Variants in PIK3R5 observed in about 807,000 individuals in gnomAD.
The protein encoded by PIK3R5 is phosphoinositide-3-kinase regulatory subunit 5, also known as phosphoinositide 3-kinase regulatory subunit 5.
In PIK3R5, 32 loss-of-function variants were observed where a neutral mutation model predicts 94.9. The ratio of observed to expected loss-of-function variants is 0.34; its 90% CI spans 0.25 to 0.45. The LOEUF is 0.45. Ranked by LOEUF, PIK3R5 falls within the 20% of genes least tolerant of loss-of-function variation. The pLI, the probability that PIK3R5 is intolerant of heterozygous loss-of-function variation, is 1.00. For missense variants in PIK3R5, 853 were observed against 1,144.6 expected, an observed-to-expected ratio of 0.75 and a Z score of 3.68; for synonymous variants, 443 against 479.4, an observed-to-expected ratio of 0.92 and a Z score of 0.99.
At chr17:8,946,259 A>G (rs1324371613) in intron 1 of PIK3R5, among the ~76,000 whole-genome samples, 3 of 151,996 alleles carry the variant, frequency 2.0e-5, no homozygotes, top group Non-Finnish European at 2.9e-5. Flanking sequence ...CCGCTTACCG[A>G]GATCAGGTCA....
At position 8,887,210 on chromosome 17, in the gene PIK3R5, G is replaced by A. The variant is rs62638685; in HGVS notation, c.1791C>T (p.Thr597=). The A allele has an allele frequency of 2.3e-4, 374 of 1,613,902 alleles. No homozygotes were observed. In the African/African-American group the frequency reaches 4.5e-3, roughly 19 times the overall value. ...PRHASPGELG[T]TPWEESTNDI... ...CATTGGTGCTCTCCTCCCATGGGGT[G>A]GTGCCCAGCTCCTAGGGCAAAGAAC... Residue 597 remains threonine (T), a synonymous_variant, in exon 12 of 19, where the codon ACC becomes ACT. Coordinates refer to ENST00000447110, the MANE Select transcript of PIK3R5 (RefSeq NM_001142633.3).
chr17:8,958,870 G>A (rs2151482285), intron 1 of PIK3R5, among the ~76,000 whole-genome samples: 1 of 151,036 alleles, frequency 6.6e-6, no homozygotes, highest in East Asian at 1.9e-4. Flanking sequence ...CGATTCTCTT[G>A]CCTCAGCCTC....
At chr17:8,931,563 G>T (rs1285877163) in intron 1 of PIK3R5, among the ~76,000 whole-genome samples, 1 of 152,188 alleles carries the variant, frequency 6.6e-6, no homozygotes, top group Non-Finnish European at 1.5e-5. Context: ...AGTACAGGGG[G>T]CTTTCCGAGT....
intron 1 of PIK3R5, among the ~76,000 whole-genome samples, chr17:8,953,093 G>T (rs937157293): frequency 1.3e-5 from 2 of 152,162 alleles, no homozygotes; most frequent in African/African-American, 4.8e-5. Flanking sequence ...GAGAATGAGG[G>T]AATGGGAAGT....
chr17:8,915,185 G>T (rs996456668), intron 1 of PIK3R5, among the ~76,000 whole-genome samples: 3 of 152,190 alleles, frequency 2.0e-5, no homozygotes, highest in African/African-American at 7.2e-5. Flanking sequence ...CAATTTGGGA[G>T]GCTGAGGCGG....
In PIK3R5 at chr17:8,881,642, C is replaced by T. The variant is rs1259908823; in HGVS notation, c.2370G>A (p.Lys790=). The part of the protein sequence containing the change: ...VVKRQNSKSK[K]GFNQISTSQI... ...GGGAAGCCCGTACCTGGTTAAAGCC[C>T]TTCTTGGATTTGGAGTTCTGCCTTT... The change falls in exon 17 of 19, where the codon AAG becomes AAA. Residue 790 remains lysine (K), a synonymous_variant. Transcript: ENST00000447110. The surrounding 1 kb of genome is among the most constrained non-coding windows in gnomAD (Gnocchi z 4.8). 1 of 1,612,914 alleles carries T rather than the reference C, an allele frequency of 6.2e-7. No homozygotes were observed. Among genetic ancestry groups the T allele is most frequent in the Non-Finnish European group, 8.5e-7 (1 of 1,179,340 alleles).
chr17:8,909,230 G>T lies in PIK3R5; in HGVS notation c.104-56C>A. 2 of 1,054,238 alleles carry T rather than the reference G, an allele frequency of 1.9e-6. No homozygotes were observed. Among genetic ancestry groups the T allele is most frequent in the Non-Finnish European group, 2.9e-6 (2 of 698,236 alleles). 65.3% of individuals were successfully genotyped at this position (1,054,238 alleles called of 1,614,324 possible). A position where few individuals can be genotyped will look rare whatever the true frequency, so the allele number is the denominator to read the frequency against. On this transcript the variant is annotated intron_variant, in intron 2 of 18. Coordinates refer to ENST00000447110, the MANE Select transcript of PIK3R5 (RefSeq NM_001142633.3). This position sits in a 1 kb window ranked among gnomAD's most constrained non-coding sequence, Gnocchi z 4.3. ...TTCTGGTGTCTTCCAGTCACACTCA[G>T]GCAGGGGCTGTAAAGAAGGGGCATT...
intron 1 of PIK3R5, among the ~76,000 whole-genome samples, chr17:8,949,484 T>C (rs923685847): frequency 2.6e-5 from 4 of 152,166 alleles, no homozygotes; most frequent in African/African-American, 9.7e-5. Context: ...CCGATTATCT[T>C]TGAAGAATCA....
chr17:8,957,448 G>A (rs191105437), intron 1 of PIK3R5, among the ~76,000 whole-genome samples: 1 of 152,214 alleles, frequency 6.6e-6, no homozygotes, highest in South Asian at 2.1e-4. Context: ...AACATCTGAA[G>A]ACAGATACTA....
At chr17:8,944,473 C>G (rs1300572092) in intron 1 of PIK3R5, among the ~76,000 whole-genome samples, 1 of 152,132 alleles carries the variant, frequency 6.6e-6, no homozygotes, top group Non-Finnish European at 1.5e-5. Flanking sequence ...TGTTGTGTGC[C>G]CATCATCAGA....
intron 1 of PIK3R5, among the ~76,000 whole-genome samples, chr17:8,942,151 C>T (rs2091192576): frequency 6.6e-6 from 1 of 152,132 alleles, no homozygotes; most frequent in Non-Finnish European, 1.5e-5. Flanking sequence ...GAGGGTCTCA[C>T]AGGGTCCTGG....
chr17:8,909,156 C>G lies in PIK3R5; in HGVS notation c.122G>C (p.Cys41Ser). Residue 41 changes from cysteine to serine, a missense_variant, in exon 3 of 19, where the codon TGC becomes TCC. Physicochemically the swap from Cys to Ser is moderately radical, Grantham distance 112. Around this residue, in one of 6 missense-constraint regions of PIK3R5, gnomAD observed 108 missense variants for 170.1 expected, o/e 0.63. Coordinates refer to ENST00000447110, the MANE Select transcript of PIK3R5 (RefSeq NM_001142633.3). This position sits in a 1 kb window ranked among gnomAD's most constrained non-coding sequence, Gnocchi z 4.3. ...TSWSAGLCLN[C>S]WSLQELVSRD... ...GCTGACCAGCTCCTGCAGGCTCCAG[C>G]AGTTCAGACACAGCCCAGCTGGAAA... The G allele has an allele frequency of 6.2e-7, 1 of 1,601,566 alleles. No homozygotes were observed. Among genetic ancestry groups the G allele is most frequent in the Admixed American group, 1.7e-5 (1 of 59,270 alleles).
At chr17:8,891,349 G>A (rs113401305) in intron 6 of PIK3R5, among the ~76,000 whole-genome samples, 308 of 152,266 alleles carry the variant, frequency 2.0e-3, no homozygotes, top group African/African-American at 7.1e-3. Context: ...GTGGTCTGGG[G>A]CGAGCGGGAC....
rs1309786281 is a variant in PIK3R5 at position 8,881,273 on chromosome 17, G to A, written c.2383-256C>T. ...ATTGCCCTGCCTGCTGCCCTCACCG[G>A]AGCAGCCCCAGGTCCCCTGATCCAG... On this transcript the variant is annotated intron_variant, in intron 17 of 18. Coordinates refer to ENST00000447110, the MANE Select transcript of PIK3R5 (RefSeq NM_001142633.3). The surrounding 1 kb of genome is among the most constrained non-coding windows in gnomAD (Gnocchi z 4.8). Among the ~76,000 whole-genome samples, 1 of 152,032 alleles carries A rather than the reference G, an allele frequency of 6.6e-6. No homozygotes were observed. The highest frequency in any genetic ancestry group is 1.5e-5 in the Non-Finnish European group (1 of 67,976).
intron 1 of PIK3R5, among the ~76,000 whole-genome samples, chr17:8,913,648 G>A (rs1417778103): frequency 1.3e-5 from 2 of 152,320 alleles, no homozygotes; most frequent in African/African-American, 2.4e-5. Context: ...GGAGGCGGAG[G>A]TTGCAGTAAG....
intron 1 of PIK3R5, among the ~76,000 whole-genome samples, chr17:8,920,848 T>G (rs954230185): frequency 1.3e-5 from 2 of 150,044 alleles, no homozygotes; most frequent in Admixed American, 1.3e-4. Flanking sequence ...CTTTTTCTTT[T>G]TTTTTTTTTT....
At position 8,909,942 on chromosome 17, in the gene PIK3R5, A is replaced by G. The variant is rs543184725; in HGVS notation, c.104-768T>C. On this transcript the variant is annotated intron_variant, in intron 2 of 18. Transcript: ENST00000447110. The surrounding 1 kb of genome is among the most constrained non-coding windows in gnomAD (Gnocchi z 4.3). ...ACGCAAGACTGAGTCTACAGCAGCC[A>G]TGGAGCTTCCCAGGAATGGCAATGG... is the stretch of plus-strand genomic sequence containing the variant. Among the ~76,000 whole-genome samples the G allele has an allele frequency of 4.7e-4, 71 of 152,360 alleles. No individual in the cohort carries two copies. The highest frequency in any genetic ancestry group is 3.4e-3 in the Middle Eastern group (1 of 294).
At chr17:8,948,084 A>G (rs1438399094) in intron 1 of PIK3R5, among the ~76,000 whole-genome samples, 1 of 151,516 alleles carries the variant, frequency 6.6e-6, no homozygotes, top group Non-Finnish European at 1.5e-5. Context: ...AAAGAAAAGA[A>G]AAAGAAAAAT....
Position 8,890,992 on chromosome 17 carries a change from G to T in PIK3R5, c.483-80C>A. On this transcript the variant is annotated intron_variant, in intron 6 of 18. Coordinates refer to ENST00000447110, the MANE Select transcript of PIK3R5 (RefSeq NM_001142633.3). The surrounding 1 kb of genome is among the most constrained non-coding windows in gnomAD (Gnocchi z 6.1). ...GCAGCCACCCCCCTCGTGCCTGCTG[G>T]TGCTCAGCTCCACTGAGACCAGGGC... 7.2e-7 allele frequency: 1 copy of T among 1,391,074 alleles called. No homozygotes were observed. Among genetic ancestry groups the T allele is most frequent in the Non-Finnish European group, 9.8e-7 (1 of 1,020,042 alleles). The allele number at this position is 1,391,074 out of a possible 1,614,324, so 86.2% of individuals were successfully genotyped here. A position where few individuals can be genotyped will look rare whatever the true frequency, so the allele number is the denominator to read the frequency against.
Sources: allele counts gnomAD v4.1 joint callset (sites outside exome capture counted in the v4.1 genomes callset), GRCh38; gene constraint gnomAD v4.1.1; regional missense constraint gnomAD v4.1.1; non-coding constraint Gnocchi (gnomAD v3.1); transcripts MANE v1.5; gene names NCBI Gene and HGNC (gene_info 2026-07-23, HGNC 2026-07-21).